Variants in PDE1A observed in about 807,000 individuals in gnomAD.
PDE1A encodes the protein dual specificity calcium/calmodulin-dependent 3',5'-cyclic nucleotide phosphodiesterase 1A.
In PDE1A, 35 loss-of-function variants were observed where a neutral mutation model predicts 61.7. The ratio of observed to expected loss-of-function variants is 0.57; its 90% confidence interval spans 0.43 to 0.75. The LOEUF (loss-of-function observed/expected upper bound fraction) is 0.75, where lower values mean the gene tolerates loss of function less well. Among genes scored for constraint, PDE1A ranks in the 30% least tolerant of loss-of-function variants. The pLI is 0.00. For missense variants in PDE1A, 597 were observed against 630.6 expected, an observed-to-expected ratio of 0.95 and a Z score of 0.57; for synonymous variants, 232 against 213.2, an observed-to-expected ratio of 1.09 and a Z score of -0.77.
the PDE1A span, among the ~76,000 whole-genome samples, chr2:182,693,504 T>C: frequency 1.3e-5 from 2 of 152,174 alleles, no homozygotes; most frequent in African/African-American, 4.8e-5. Context: ...TTTTTAACAA[T>C]TGGGTTACTT....
chr2:182,214,469 C>A (rs949513330), intron 7 of PDE1A, among the ~76,000 whole-genome samples: 7 of 151,762 alleles, frequency 4.6e-5, no homozygotes, highest in African/African-American at 1.7e-4. Flanking sequence ...CACAGACTGG[C>A]AAATTGGATA....
the PDE1A span, among the ~76,000 whole-genome samples, chr2:182,658,653 A>G: frequency 6.6e-6 from 1 of 152,246 alleles, no homozygotes; most frequent in Non-Finnish European, 1.5e-5. Context: ...TACTCTATTA[A>G]TAAGCGTAAC....
At chr2:182,418,311 T>A (rs1396148169) in intron 1 of PDE1A, among the ~76,000 whole-genome samples, 1 of 152,202 alleles carries the variant, frequency 6.6e-6, no homozygotes, top group Non-Finnish European at 1.5e-5. Context: ...GGGCAGTCAT[T>A]ACGGGTGTAA....
the PDE1A span, among the ~76,000 whole-genome samples, chr2:182,682,742 G>T: frequency 3.3e-4 from 51 of 152,260 alleles, no homozygotes; most frequent in African/African-American, 1.2e-3. Context: ...GCACTGCTTA[G>T]CATTTTTGAA....
At chr2:182,518,309 A>G (rs962246178) in intron 2 of PDE1A, among the ~76,000 whole-genome samples, 14 of 152,172 alleles carry the variant, frequency 9.2e-5, no homozygotes, top group African/African-American at 3.4e-4. Context: ...TCTGAGAACT[A>G]CACAACATAC....
the PDE1A span, among the ~76,000 whole-genome samples, chr2:182,700,708 C>T: frequency 0.031 from 976 of 31,966 alleles, 8 homozygotes; most frequent in South Asian, 0.18. Flanking sequence ...GGCGACAGAG[C>T]AAGACTCCAT....
At chr2:182,368,396 T>C (rs1383569576) in intron 1 of PDE1A, among the ~76,000 whole-genome samples, 1 of 136,040 alleles carries the variant, frequency 7.4e-6, no homozygotes, top group Non-Finnish European at 1.6e-5. Context: ...TCTCCTTCAA[T>C]ACATAACATT....
At chr2:182,271,033 A>T (rs1692980482) in intron 1 of PDE1A, among the ~76,000 whole-genome samples, 1 of 151,944 alleles carries the variant, frequency 6.6e-6, no homozygotes, top group Non-Finnish European at 1.5e-5. Context: ...ATTTTATAGG[A>T]TAAATAATTC....
chr2:182,342,068 C>T (rs1350381352), intron 1 of PDE1A, among the ~76,000 whole-genome samples: 1 of 152,160 alleles, frequency 6.6e-6, no homozygotes, highest in Admixed American at 6.6e-5. Context: ...CCACACCCGG[C>T]CCTTTTCTAT....
intron 2 of PDE1A, among the ~76,000 whole-genome samples, chr2:182,478,185 T>C (rs1253701647): frequency 6.6e-6 from 1 of 151,886 alleles, no homozygotes; most frequent in African/African-American, 2.4e-5. Context: ...AATAAACAGG[T>C]AACTCTAAAG....
chr2:182,157,019 A>ATTAT (rs1333045160), intron 13 of PDE1A, among the ~76,000 whole-genome samples: 1 of 120,504 alleles, frequency 8.3e-6, no homozygotes, highest in African/African-American at 4.7e-5. Flanking sequence ...ATTTTATTTT[A>ATTAT]TTTTTTTTTT....
chr2:182,574,579 T>C, the PDE1A span, among the ~76,000 whole-genome samples: 20 of 152,358 alleles, frequency 1.3e-4, no homozygotes, highest in African/African-American at 3.8e-4. Flanking sequence ...ATAAATCTTA[T>C]GTCAAATGAT....
the PDE1A span, among the ~76,000 whole-genome samples, chr2:182,562,302 A>G: frequency 6.6e-5 from 10 of 150,790 alleles, no homozygotes; most frequent in African/African-American, 1.9e-4. Flanking sequence ...TTCTGCATCT[A>G]TTGAGATAAT....
intron 1 of PDE1A, among the ~76,000 whole-genome samples, chr2:182,342,140 T>A (rs1456800153): frequency 2.0e-5 from 3 of 152,242 alleles, no homozygotes; most frequent in African/African-American, 7.2e-5. Flanking sequence ...TTGTGTTAAA[T>A]GTTCATTTTA....
At chr2:182,592,088 A>G in the PDE1A span, among the ~76,000 whole-genome samples, 1 of 152,206 alleles carries the variant, frequency 6.6e-6, no homozygotes, top group African/African-American at 2.4e-5. Flanking sequence ...CTTCAAATCA[A>G]ATAAACACTT....
At chr2:182,411,752 TGATGTTGCTCAACATCTTACA>T (rs941869942) in intron 1 of PDE1A, among the ~76,000 whole-genome samples, 8 of 152,130 alleles carry the variant, frequency 5.3e-5, no homozygotes, top group African/African-American at 1.9e-4. Flanking sequence ...TAGAGACCAG[TGATGTTGCTCAACATCTTACA>T]ATGAACAAAA....
chr2:182,154,462 A>C (rs1690953498), intron 13 of PDE1A, among the ~76,000 whole-genome samples: 1 of 152,158 alleles, frequency 6.6e-6, no homozygotes, highest in Admixed American at 6.6e-5. Context: ...CCCCACCCAT[A>C]TCTCACCTTG....
chr2:182,543,720 A>G, the PDE1A span, among the ~76,000 whole-genome samples: 2 of 152,176 alleles, frequency 1.3e-5, no homozygotes, highest in Non-Finnish European at 2.9e-5. Context: ...GTCTCAATTT[A>G]TCTTTCAAGG....
At chr2:182,682,046 CT>C in the PDE1A span, among the ~76,000 whole-genome samples, 3 of 152,194 alleles carry the variant, frequency 2.0e-5, no homozygotes, top group African/African-American at 7.2e-5. Context: ...TTGAGACCTC[CT>C]TTTCTTATTG....
Sources: allele counts gnomAD v4.1 joint callset (sites outside exome capture counted in the v4.1 genomes callset), GRCh38; gene constraint gnomAD v4.1.1; transcripts MANE v1.5; gene names NCBI Gene and HGNC (gene_info 2026-07-23, HGNC 2026-07-21).